Variants in PTPRQ observed in about 807,000 individuals in gnomAD.
PTPRQ encodes protein tyrosine phosphatase receptor type Q, also known as phosphatidylinositol phosphatase PTPRQ.
Under a neutral mutation model 246.0 loss-of-function variants are expected in PTPRQ, and 199 were observed. That is an observed-to-expected ratio of 0.81 (90% CI 0.72 to 0.91). PTPRQ has a LOEUF of 0.91. Among genes scored for constraint, PTPRQ ranks in the 40% least tolerant of loss-of-function variants. The pLI, the probability that PTPRQ is intolerant of heterozygous loss-of-function variation, is 0.00. For synonymous variants in PTPRQ, 869 were observed against 853.2 expected, an observed-to-expected ratio of 1.02 and a Z score of -0.32; for missense variants, 2,624 against 2,528.4, an observed-to-expected ratio of 1.04 and a Z score of -0.81.
At position 80,542,848 on chromosome 12, in the gene PTPRQ, T is replaced by C; in HGVS notation, c.3840T>C (p.Ile1280=). 1 of 1,538,202 alleles carries C rather than the reference T, an allele frequency of 6.5e-7. No homozygotes were observed. Among genetic ancestry groups the C allele is most frequent in the Non-Finnish European group, 8.8e-7 (1 of 1,141,076 alleles). The part of the protein sequence containing the change: ...GGIVKVYSFK[I]HEHETDTIYY... ...TTGTTAAAGTATATAGTTTTAAAAT[T>C]CATGAACATGAAACTGACACTATAT... Residue 1280 remains isoleucine (I), a synonymous_variant, in exon 23 of 45, where the codon ATT becomes ATC. Coordinates refer to ENST00000644991, the MANE Select transcript of PTPRQ (RefSeq NM_001145026.2).
chr12:80,664,957 A>C (rs1900739534), intron 39 of PTPRQ, among the ~76,000 whole-genome samples: 1 of 151,960 alleles, frequency 6.6e-6, no homozygotes, highest in African/African-American at 2.4e-5. Flanking sequence ...GGTTCTCTAG[A>C]GGGACAGAAC....
At chr12:80,528,522 C>T (rs557459544) in intron 17 of PTPRQ, among the ~76,000 whole-genome samples, 18 of 152,230 alleles carry the variant, frequency 1.2e-4, no homozygotes, top group African/African-American at 4.3e-4. Context: ...CCTGGGAAGT[C>T]ATTTTTCATG....
chr12:80,459,610 T>C, intron 5 of PTPRQ, 127 bp downstream of exon 5: 1 of 395,852 alleles, frequency 2.5e-6, no homozygotes, highest in East Asian at 3.6e-5. Context: ...TATGGTATCA[T>C]GTTATACACA....
At chr12:80,596,421 G>GT (rs201475354) in intron 26 of PTPRQ, among the ~76,000 whole-genome samples, 2,258 of 150,838 alleles carry the variant, frequency 0.015, 65 homozygotes, top group African/African-American at 0.052. Flanking sequence ...GATTATCACT[G>GT]TTTTTTTTTA....
At chr12:80,495,119 A>G (rs759503051) in intron 11 of PTPRQ, 25 bp downstream of exon 11, 1 of 1,550,296 alleles carries the variant, frequency 6.5e-7, no homozygotes. Context: ...CCTTTGAAAC[A>G]ATTAACTGCA....
intron 25 of PTPRQ, among the ~76,000 whole-genome samples, chr12:80,568,330 T>C (rs940289505): frequency 6.6e-6 from 1 of 152,202 alleles, no homozygotes; most frequent in African/African-American, 2.4e-5. Context: ...CTCTTTTCTA[T>C]GTTTCAGTTA....
intron 17 of PTPRQ, among the ~76,000 whole-genome samples, chr12:80,524,377 C>G (rs1362011192): frequency 6.6e-6 from 1 of 152,062 alleles, no homozygotes; most frequent in Non-Finnish European, 1.5e-5. Flanking sequence ...TAAGACATGC[C>G]TTTTGCCTGC....
chr12:80,650,147 A>T (rs868067155), intron 37 of PTPRQ, among the ~76,000 whole-genome samples: 15 of 152,120 alleles, frequency 9.9e-5, no homozygotes, highest in African/African-American at 3.6e-4. Flanking sequence ...TCCAGAAACT[A>T]TAAGAAAATT....
At chr12:80,623,872 C>T (rs1565825382) in intron 33 of PTPRQ, among the ~76,000 whole-genome samples, 1 of 152,056 alleles carries the variant, frequency 6.6e-6, no homozygotes, top group Non-Finnish European at 1.5e-5. Flanking sequence ...CATCAGGAAC[C>T]ACAGTGCACA....
intron 25 of PTPRQ, among the ~76,000 whole-genome samples, chr12:80,556,116 CT>C (rs1436124582): frequency 6.6e-6 from 1 of 152,168 alleles, no homozygotes; most frequent in African/African-American, 2.4e-5. Context: ...CAACTTCCGC[CT>C]CCTGGGTTCA....
intron 6 of PTPRQ, among the ~76,000 whole-genome samples, chr12:80,463,483 C>G (rs981595247): frequency 1.3e-5 from 2 of 152,156 alleles, no homozygotes; most frequent in African/African-American, 2.4e-5. Flanking sequence ...TCTAGCAAGG[C>G]AGGCCAACAT....
At chr12:80,646,094 A>C (rs1011166005) in intron 35 of PTPRQ, among the ~76,000 whole-genome samples, 2 of 152,282 alleles carry the variant, frequency 1.3e-5, no homozygotes, top group East Asian at 3.9e-4. Context: ...AAATAATGGA[A>C]AAAATCCCTT....
At chr12:80,586,079 G>T (rs1897607517) in intron 25 of PTPRQ, among the ~76,000 whole-genome samples, 5 of 151,668 alleles carry the variant, frequency 3.3e-5, no homozygotes, top group Admixed American at 3.3e-4. Flanking sequence ...ATTTTTTATG[G>T]ATGCATAGTA....
chr12:80,453,454 G>C (rs529242834), intron 3 of PTPRQ, among the ~76,000 whole-genome samples: 1 of 151,184 alleles, frequency 6.6e-6, no homozygotes, highest in Non-Finnish European at 1.5e-5. Flanking sequence ...GCTTTTTAGA[G>C]TTTCCAGTTT....
chr12:80,463,153 A>G (rs1893260487), intron 6 of PTPRQ, among the ~76,000 whole-genome samples: 1 of 152,226 alleles, frequency 6.6e-6, no homozygotes, highest in African/African-American at 2.4e-5. Flanking sequence ...TAGAATAACC[A>G]ATACAGAGAA....
intron 14 of PTPRQ, among the ~76,000 whole-genome samples, chr12:80,505,817 T>G (rs1366310874): frequency 6.6e-6 from 1 of 151,960 alleles, no homozygotes; most frequent in African/African-American, 2.4e-5. Context: ...GGAATCATAG[T>G]AGCATTTTCT....
At chr12:80,486,357 C>T (rs368154336) in intron 9 of PTPRQ, among the ~76,000 whole-genome samples, 109 of 152,254 alleles carry the variant, frequency 7.2e-4, no homozygotes, top group African/African-American at 2.6e-3. Context: ...CTGATTATAT[C>T]TTTCTTTATT....
intron 27 of PTPRQ, among the ~76,000 whole-genome samples, chr12:80,606,482 A>T (rs544789302): frequency 6.6e-6 from 1 of 151,082 alleles, no homozygotes; most frequent in African/African-American, 2.4e-5. Flanking sequence ...CAATGATGTC[A>T]ATAATGCAGA....
At chr12:80,575,564 A>C (rs909807698) in intron 25 of PTPRQ, among the ~76,000 whole-genome samples, 4 of 152,132 alleles carry the variant, frequency 2.6e-5, no homozygotes, top group African/African-American at 9.7e-5. Context: ...CCTGGGCAAC[A>C]AAATGGCACC....
Sources: allele counts gnomAD v4.1 joint callset (sites outside exome capture counted in the v4.1 genomes callset), GRCh38; gene constraint gnomAD v4.1.1; transcripts MANE v1.5; gene names NCBI Gene and HGNC (gene_info 2026-07-23, HGNC 2026-07-21).